BPTF: variants seen among roughly 807,000 people sequenced by gnomAD.
BPTF encodes the protein bromodomain PHD finger transcription factor.
In BPTF, 18 loss-of-function variants were observed where a neutral mutation model predicts 292.5. The observed-to-expected ratio is 0.06, with a 90% CI of 0.04 to 0.09. The LOEUF is 0.09. Among genes scored for constraint, BPTF ranks in the 10% least tolerant of loss-of-function variants. The pLI is 1.00. For synonymous variants in BPTF, 1,225 were observed against 1,251.9 expected (o/e 0.98, Z 0.45); for missense variants, 2,726 against 3,498.7 (o/e 0.78, Z 5.57).
In BPTF at chr17:67,911,539, A is replaced by G. The variant is rs753283675; in HGVS notation, c.3655A>G (p.Lys1219Glu). Reference sequence around the variant, plus strand: ...AAATGATTTTTTCATCGATGACTCTAAACTAGCCAGTGCAGATGATATTGG... The same window carrying G: ...AAATGATTTTTTCATCGATGACTCTGAACTAGCCAGTGCAGATGATATTGG... Reference protein sequence around the residue: ...KGNDFFIDDSKLASADDIGTL... With the variant: ...KGNDFFIDDSELASADDIGTL... Residue 1219 changes from lysine (K) to glutamate (E), a missense_variant, in exon 11 of 28, where the codon AAA (lysine) becomes GAA (glutamate). Lys to Glu is a moderately conservative substitution (Grantham distance 56). This residue lies in a region of BPTF where 713 missense variants were observed against 714.9 expected (regional missense o/e 1.00). Coordinates refer to ENST00000306378, the MANE Select transcript of BPTF (RefSeq NM_182641.4). The G allele has an allele frequency of 6.8e-5, 110 of 1,614,078 alleles. 2 individuals carry two copies. The South Asian group carries it at 1.1e-3, about 17-fold the overall frequency.
chr17:67,839,731 A>G (rs562169940), intron 1 of BPTF, among the ~76,000 whole-genome samples: 1 of 152,340 alleles, frequency 6.6e-6, no homozygotes, highest in African/African-American at 2.4e-5. Flanking sequence ...GTTTTTGGCA[A>G]CTATGAATAA....
chr17:67,950,562 G>A (rs2066254548), intron 23 of BPTF, among the ~76,000 whole-genome samples: 1 of 151,974 alleles, frequency 6.6e-6, no homozygotes, highest in South Asian at 2.1e-4. Flanking sequence ...TCAAGGCTGG[G>A]CACGGTGGCC....
chr17:67,972,703 C>A lies in BPTF; in HGVS notation c.8540-3069C>A, dbSNP rs562235111. On this transcript the variant is annotated intron_variant, in intron 26 of 27. Coordinates refer to ENST00000306378, the MANE Select transcript of BPTF (RefSeq NM_182641.4). ...TTTTTCCTCCTCCATAATATATACT[C>A]ACCTATGTGTTCTCCTAGTACCTTA... 4.6e-5 allele frequency among the ~76,000 whole-genome samples: 7 copies of A among 152,130 alleles called. 1 individual carries two copies. The South Asian group carries it at 1.5e-3, about 32-fold the overall frequency.
Position 67,946,159 on chromosome 17 carries a change from A to G in BPTF, c.7451A>G (p.His2484Arg), listed in dbSNP as rs782113061. 1 of 1,614,198 alleles carries G rather than the reference A, an allele frequency of 6.2e-7. No homozygotes were observed. Among genetic ancestry groups the G allele is most frequent in the South Asian group, 1.1e-5 (1 of 91,078 alleles). ...QIQQSSAVQT[H>R]QIQNVVTVQA... ...CAGCAAAGCAGTGCTGTGCAGACTC[A>G]CCAGATTCAGAATGTGGTTACAGTG... Residue 2484 changes from histidine (H) to arginine (R), a missense_variant, in exon 21 of 28, where the codon CAC becomes CGC. By Grantham distance (29) the His-to-Arg change is conservative. Coordinates refer to ENST00000306378, the MANE Select transcript of BPTF (RefSeq NM_182641.4).
At chr17:67,837,653 G>C (rs1244102857) in intron 1 of BPTF, among the ~76,000 whole-genome samples, 1 of 152,156 alleles carries the variant, frequency 6.6e-6, no homozygotes, top group Non-Finnish European at 1.5e-5. Context: ...CAGGCAATCT[G>C]CCCACCTTGG....
chr17:67,832,441 A>G (rs1567855810), intron 1 of BPTF, among the ~76,000 whole-genome samples: 1 of 152,148 alleles, frequency 6.6e-6, no homozygotes, highest in Non-Finnish European at 1.5e-5. Context: ...TGTGATTGTC[A>G]CATTTTAAAA....
In BPTF at chr17:67,944,143, T is replaced by C. The variant is rs149839335; in HGVS notation, c.6478-7T>C. On this transcript the variant is annotated splice_region_variant and splice_polypyrimidine_tract_variant and intron_variant, in intron 19 of 27. Coordinates refer to ENST00000306378, the MANE Select transcript of BPTF (RefSeq NM_182641.4). Reference sequence around the variant, plus strand: ...AACACTGTTTACATGTTGTGTTTTTTCCACAGGGTGGCAATCAAGGTTTGA... The same window carrying C: ...AACACTGTTTACATGTTGTGTTTTTCCCACAGGGTGGCAATCAAGGTTTGA... 40 of 1,612,476 alleles carry C rather than the reference T, an allele frequency of 2.5e-5. No homozygotes were observed. The African/African-American group carries it at 5.1e-4, about 20-fold the overall frequency.
intron 9 of BPTF, among the ~76,000 whole-genome samples, chr17:67,908,826 A>AT (rs34934455): frequency 0.18 from 19,068 of 106,226 alleles, 2,239 homozygotes; most frequent in East Asian, 0.56. Flanking sequence ...GTCACTGACA[A>AT]TTTTTTTTTT....
intron 18 of BPTF, among the ~76,000 whole-genome samples, chr17:67,935,045 C>T (rs73338717): frequency 0.023 from 3,455 of 152,182 alleles, 135 homozygotes; most frequent in African/African-American, 0.079. Flanking sequence ...CTACTCTAGG[C>T]AGTTGAAATA....
At chr17:67,891,077 G>T (rs1225449651) in intron 4 of BPTF, among the ~76,000 whole-genome samples, 1 of 152,088 alleles carries the variant, frequency 6.6e-6, no homozygotes, top group Non-Finnish European at 1.5e-5. Context: ...CAGCTACTTG[G>T]AAGGCTGAGA....
chr17:67,913,204 G>C lies in BPTF; in HGVS notation c.5303+17G>C. The C allele has an allele frequency of 1.3e-6, 2 of 1,544,168 alleles. No homozygotes were observed. Among genetic ancestry groups the C allele is most frequent in the African/African-American group, 2.8e-5 (2 of 71,890 alleles). ...CACTTGGAGGTATGTACTTTAAAATGTATTTGGGGGAGGGAGAAAATTTTA... is the reference window on the plus strand; with the variant it reads ...CACTTGGAGGTATGTACTTTAAAATCTATTTGGGGGAGGGAGAAAATTTTA... On this transcript the variant is annotated intron_variant, in intron 11 of 27. Transcript: ENST00000306378.
chr17:67,944,420 G>T (rs542192985), intron 20 of BPTF, 48 bp downstream of exon 20: 4 of 1,592,328 alleles, frequency 2.5e-6, no homozygotes, highest in Admixed American at 3.3e-5. Flanking sequence ...TACTACACGT[G>T]GCTGGGCTAA....
chr17:67,826,240 C>T lies in BPTF; in HGVS notation c.516C>T (p.Asp172=), dbSNP rs1281907239. The change falls in exon 1 of 28, where the codon GAC becomes GAT. Residue 172 remains aspartate, a synonymous_variant. Coordinates refer to ENST00000306378, the MANE Select transcript of BPTF (RefSeq NM_182641.4). ...ATGAGATGGAAGAGGACGACGATGA[C>T]TCCGATTATCCGGAGGAGATGGAAG... The part of the protein sequence containing the change: ...EEDEMEEDDD[D]SDYPEEMEDD... The T allele has an allele frequency of 2.5e-6, 4 of 1,613,712 alleles. No homozygotes were observed. Among genetic ancestry groups the T allele is most frequent in the African/African-American group, 1.3e-5 (1 of 74,900 alleles).
At chr17:67,887,965 A>G (rs888104457) in intron 4 of BPTF, among the ~76,000 whole-genome samples, 3 of 152,288 alleles carry the variant, frequency 2.0e-5, no homozygotes, top group Middle Eastern at 3.4e-3. Context: ...CTTATCTTGG[A>G]TCATATTGTT....
rs782759187 is a variant in BPTF, at chr17:67,944,351, A to G, written c.6679A>G (p.Thr2227Ala). The part of the protein sequence containing the change: ...TATTASTTTT[T>A]VSTTAAGTGE... Reference sequence around the variant, plus strand: ...CACCACAGCCAGCACCACCACCACCACTGTTTCCACGACAGCAGCAGGTAG... The same window carrying G: ...CACCACAGCCAGCACCACCACCACCGCTGTTTCCACGACAGCAGCAGGTAG... Residue 2227 changes from threonine (T) to alanine (A), a missense_variant, in exon 20 of 28, where the codon ACT (threonine) becomes GCT (alanine). Thr to Ala is a moderately conservative substitution (Grantham distance 58). Coordinates refer to ENST00000306378, the MANE Select transcript of BPTF (RefSeq NM_182641.4). The G allele has an allele frequency of 3.0e-5, 49 of 1,613,148 alleles. 1 individual carries two copies. The East Asian group carries it at 5.8e-4, about 19-fold the overall frequency.
At chr17:67,924,729 A>T (rs759724914) in intron 15 of BPTF, 140 bp downstream of exon 15, 24 of 803,210 alleles carry the variant, frequency 3.0e-5, no homozygotes, top group Non-Finnish European at 4.5e-5. Flanking sequence ...AGCCAAATTC[A>T]TGCACACCCA....
At chr17:67,905,228 G>A (rs2062097749) in intron 9 of BPTF, among the ~76,000 whole-genome samples, 2 of 151,666 alleles carry the variant, frequency 1.3e-5, no homozygotes, top group African/African-American at 4.8e-5. Context: ...GGCTAACATG[G>A]TGAAACCCTG....
chr17:67,888,122 C>T (rs989422804), intron 4 of BPTF, among the ~76,000 whole-genome samples: 2 of 152,288 alleles, frequency 1.3e-5, no homozygotes, highest in South Asian at 4.1e-4. Flanking sequence ...TAGCTCAGCA[C>T]GTGTGTGTAC....
At chr17:67,889,794 G>A (rs766521873) in intron 4 of BPTF, among the ~76,000 whole-genome samples, 30 of 152,068 alleles carry the variant, frequency 2.0e-4, no homozygotes, top group Non-Finnish European at 3.4e-4. Flanking sequence ...GGCGACAAGA[G>A]CGAAACTCCA....
Sources: allele counts gnomAD v4.1 joint callset (sites outside exome capture counted in the v4.1 genomes callset), GRCh38; gene constraint gnomAD v4.1.1; regional missense constraint gnomAD v4.1.1; transcripts MANE v1.5; gene names NCBI Gene and HGNC (gene_info 2026-07-23, HGNC 2026-07-21).